The following GRIK1 variants were observed in gnomAD, a reference collection of about 807,000 sequenced individuals.
The protein encoded by GRIK1 is glutamate ionotropic receptor kainate type subunit 1.
A neutral mutation model predicts 105.7 loss-of-function variants in GRIK1; 69 were observed. The ratio of observed to expected loss-of-function variants is 0.65; its 90% CI spans 0.54 to 0.80. The LOEUF is 0.80. GRIK1 is among the 30% of genes least tolerant of loss of function. The pLI, the probability that GRIK1 is intolerant of heterozygous loss-of-function variation, is 0.00. For missense variants in GRIK1, 1,109 were observed against 1,167.3 expected, an observed-to-expected ratio of 0.95 and a Z score of 0.73; for synonymous variants, 438 against 431.3, an observed-to-expected ratio of 1.02 and a Z score of -0.19.
intron 2 of GRIK1, among the ~76,000 whole-genome samples, chr21:29,692,619 G>A: frequency 6.6e-6 from 1 of 152,004 alleles, no homozygotes; most frequent in Admixed American, 6.5e-5. Flanking sequence ...TGTCACCCAG[G>A]CTGGAGTGCA....
chr21:29,898,665 C>A (rs746300614), intron 1 of GRIK1, among the ~76,000 whole-genome samples: 3 of 152,152 alleles, frequency 2.0e-5, no homozygotes, highest in Non-Finnish European at 4.4e-5. Context: ...AACAAAAAGA[C>A]AATTAATAGT....
intron 1 of GRIK1, among the ~76,000 whole-genome samples, chr21:29,846,465 GAAAGAAAGAA>G (rs1273751495): frequency 1.8e-3 from 73 of 40,144 alleles, no homozygotes; most frequent in Non-Finnish European, 3.4e-3. Flanking sequence ...AAGAGAGAGA[GAAAGAAAGAA>G]AGAAAGAAAG....
At chr21:29,745,454 G>A (rs568465070) in intron 1 of GRIK1, among the ~76,000 whole-genome samples, 24 of 152,180 alleles carry the variant, frequency 1.6e-4, no homozygotes, top group Non-Finnish European at 3.2e-4. Context: ...CTGCATTTTG[G>A]AGAAAAGGCA....
chr21:29,775,952 T>A (rs182387021), intron 1 of GRIK1, among the ~76,000 whole-genome samples: 1 of 152,216 alleles, frequency 6.6e-6, no homozygotes, highest in Non-Finnish European at 1.5e-5. Context: ...TTTAATTGAC[T>A]CAAGGTTCAG....
At chr21:29,613,965 G>A (rs780687406) in intron 7 of GRIK1, among the ~76,000 whole-genome samples, 13 of 152,034 alleles carry the variant, frequency 8.6e-5, no homozygotes, top group Non-Finnish European at 1.5e-4. Flanking sequence ...AAGACTGCTT[G>A]CCCTGAAAAA....
chr21:29,605,833 T>C (rs2061603531), intron 7 of GRIK1, among the ~76,000 whole-genome samples: 1 of 152,170 alleles, frequency 6.6e-6, no homozygotes, highest in South Asian at 2.1e-4. Context: ...TGTTTCCTAT[T>C]GAGAGAGACT....
In GRIK1 at chr21:29,780,251, T is replaced by C. The variant is rs572837176; in HGVS notation, c.119-86188A>G. ...ATGGGGACTATTATTTTGAACCACG[T>C]TCCCCTTTTCAGCCATGTCCATGAG... On this transcript the variant is annotated intron_variant, in intron 1 of 17. Transcript: ENST00000327783. 2.6e-5 allele frequency among the ~76,000 whole-genome samples: 4 copies of C among 152,334 alleles called. No individual in the cohort carries two copies. The South Asian group carries it at 8.3e-4, about 32-fold the overall frequency.
At chr21:29,724,414 A>G (rs2146870864) in intron 1 of GRIK1, among the ~76,000 whole-genome samples, 1 of 152,302 alleles carries the variant, frequency 6.6e-6, no homozygotes, top group Non-Finnish European at 1.5e-5. Flanking sequence ...GGCTGTTCCT[A>G]TATTTGGAAA....
chr21:29,811,648 G>A (rs1395906608), intron 1 of GRIK1, among the ~76,000 whole-genome samples: 1 of 152,108 alleles, frequency 6.6e-6, no homozygotes, highest in Non-Finnish European at 1.5e-5. Flanking sequence ...CTGCTGTCAT[G>A]CCAGTGCTGA....
chr21:29,635,465 G>A (rs2062377709), intron 7 of GRIK1, among the ~76,000 whole-genome samples: 1 of 152,172 alleles, frequency 6.6e-6, no homozygotes, highest in Non-Finnish European at 1.5e-5. Flanking sequence ...ACCACTCCTG[G>A]TGAATAGAGC....
chr21:29,788,305 A>G (rs541288802), intron 1 of GRIK1, among the ~76,000 whole-genome samples: 1 of 152,300 alleles, frequency 6.6e-6, no homozygotes, highest in African/African-American at 2.4e-5. Flanking sequence ...GGCATTGCGA[A>G]AAGACATTTG....
intron 1 of GRIK1, among the ~76,000 whole-genome samples, chr21:29,905,941 T>G (rs952382610): frequency 7.7e-4 from 105 of 136,742 alleles, no homozygotes; most frequent in African/African-American, 2.6e-3. Context: ...AACTTGTTTT[T>G]TTTGTTTGTT....
At chr21:29,841,367 G>C (rs1443283477) in intron 1 of GRIK1, among the ~76,000 whole-genome samples, 2 of 152,118 alleles carry the variant, frequency 1.3e-5, no homozygotes, top group Non-Finnish European at 2.9e-5. Context: ...TAGATCCCAT[G>C]GCAGAGATTT....
intron 1 of GRIK1, among the ~76,000 whole-genome samples, chr21:29,750,438 G>A (rs577703935): frequency 3.9e-5 from 6 of 152,244 alleles, no homozygotes; most frequent in African/African-American, 1.4e-4. Flanking sequence ...GGAGGCATCT[G>A]GTAGGGAGAA....
intron 1 of GRIK1, among the ~76,000 whole-genome samples, chr21:29,897,615 G>C (rs1046056105): frequency 6.6e-6 from 1 of 152,322 alleles, no homozygotes; most frequent in South Asian, 2.1e-4. Context: ...AGCTGCAGAA[G>C]TAATTTGAGT....
intron 7 of GRIK1, among the ~76,000 whole-genome samples, chr21:29,621,212 AT>A (rs2061994288): frequency 1.3e-5 from 2 of 152,212 alleles, no homozygotes; most frequent in African/African-American, 4.8e-5. Flanking sequence ...ATAACAGTAC[AT>A]TAAAAAATCA....
Position 29,537,295 on chromosome 21 carries a change from A to G in GRIK1, c.2785T>C (p.Ser929Pro), listed in dbSNP as rs776931488. Residue 929 changes from serine (S) to proline (P), a missense_variant, in exon 18 of 18, where the codon TCT (serine) becomes CCT (proline). Ser to Pro is a moderately conservative substitution (Grantham distance 74). Coordinates refer to ENST00000327783, the MANE Select transcript of GRIK1 (RefSeq NM_001330994.2). The stretch of plus-strand genomic sequence containing the variant: ...CAAGTAAGGATACTTGTGAAGGAAG[A>G]TTTCCCCTTAGTTCTTGACTTTTTC... ...IKKKSRTKGK[S>P]SFTSILTCHQ... The G allele has an allele frequency of 6.2e-7, 1 of 1,611,474 alleles. No individual in the cohort carries two copies. The highest frequency in any genetic ancestry group is 8.5e-7 in the Non-Finnish European group (1 of 1,178,158).
At chr21:29,750,310 T>C (rs972598407) in intron 1 of GRIK1, among the ~76,000 whole-genome samples, 1 of 149,628 alleles carries the variant, frequency 6.7e-6, no homozygotes, top group Non-Finnish European at 1.5e-5. Context: ...TCTTTCTGAA[T>C]ATGTACCTAC....
intron 1 of GRIK1, among the ~76,000 whole-genome samples, chr21:29,936,290 T>A (rs185606890): frequency 2.2e-4 from 33 of 152,346 alleles, no homozygotes; most frequent in African/African-American, 7.7e-4. Context: ...GCAATCCTTA[T>A]TATAAATATT....
Sources: allele counts gnomAD v4.1 joint callset (sites outside exome capture counted in the v4.1 genomes callset), GRCh38; gene constraint gnomAD v4.1.1; transcripts MANE v1.5; gene names NCBI Gene and HGNC (gene_info 2026-07-23, HGNC 2026-07-21).